OR51B5: variants seen among roughly 807,000 people sequenced by gnomAD.
The protein encoded by OR51B5 is olfactory receptor 51B5.
For synonymous variants in OR51B5, 186 were observed against 144.8 expected (o/e 1.28, Z -2.04); for missense variants, 456 against 374.6 (o/e 1.22, Z -1.79).
At chr11:5,356,407 A>G (rs1235542544) in intron 1 of OR51B5, among the ~76,000 whole-genome samples, 106 of 151,496 alleles carry the variant, frequency 7.0e-4, no homozygotes, top group Admixed American at 1.9e-3. Flanking sequence ...GAAATGAAGC[A>G]AGAAGAGAAG....
At chr11:5,427,779 T>C (rs1487159981) in intron 1 of OR51B5, among the ~76,000 whole-genome samples, 1 of 152,220 alleles carries the variant, frequency 6.6e-6, no homozygotes, top group Non-Finnish European at 1.5e-5. Flanking sequence ...TCTACCATTA[T>C]ATTTCATACG....
At chr11:5,425,247 G>A (rs1427463944) in intron 1 of OR51B5, among the ~76,000 whole-genome samples, 2 of 152,142 alleles carry the variant, frequency 1.3e-5, no homozygotes, top group African/African-American at 4.8e-5. Flanking sequence ...TTTTGTCAAT[G>A]TACAGGCTTG....
At chr11:5,371,196 A>G (rs890438571) in intron 1 of OR51B5, among the ~76,000 whole-genome samples, 1 of 152,202 alleles carries the variant, frequency 6.6e-6, no homozygotes, top group Admixed American at 6.5e-5. Context: ...AATATTCTAG[A>G]AAGTCCATAG....
intron 1 of OR51B5, among the ~76,000 whole-genome samples, chr11:5,384,174 T>C (rs1589966600): frequency 1.3e-5 from 2 of 152,186 alleles, no homozygotes; most frequent in African/African-American, 2.4e-5. Context: ...TGTTGTTGTT[T>C]CTTTGTTTGT....
chr11:5,463,469 T>C (rs1851089606), intron 1 of OR51B5, among the ~76,000 whole-genome samples: 1 of 152,232 alleles, frequency 6.6e-6, no homozygotes, highest in African/African-American at 2.4e-5. Flanking sequence ...GCCAGCCATG[T>C]TAATCAAGAT....
chr11:5,496,504 G>C (rs1423500252), intron 1 of OR51B5, among the ~76,000 whole-genome samples: 1 of 152,068 alleles, frequency 6.6e-6, no homozygotes, highest in African/African-American at 2.4e-5. Flanking sequence ...GTACTGCCTT[G>C]CATGGCTTTG....
At chr11:5,382,363 C>T (rs10837966) in intron 1 of OR51B5, among the ~76,000 whole-genome samples, 19,365 of 152,192 alleles carry the variant, frequency 0.13, 1,352 homozygotes, top group Non-Finnish European at 0.16. Context: ...TTGGGGCCTT[C>T]CCTGGCCCTC....
intron 1 of OR51B5, among the ~76,000 whole-genome samples, chr11:5,359,766 A>G (rs1476095156): frequency 1.3e-5 from 2 of 151,580 alleles, no homozygotes; most frequent in Non-Finnish European, 2.9e-5. Context: ...ACAGTAACCA[A>G]AACAGCATGG....
intron 1 of OR51B5, chr11:5,389,279 G>A (rs544769841): frequency 5.3e-6 from 5 of 936,424 alleles, no homozygotes; most frequent in Non-Finnish European, 8.2e-6. Flanking sequence ...CATAAGGGTG[G>A]AGTAGATAAT....
rs372133893 is a variant in OR51B5, at chr11:5,460,285, T to C, written n.84+45284A>G. The stretch of plus-strand genomic sequence containing the variant: ...GGAGAGGATCAAAAAGAATTAACTA[T>C]TGGGTACTAGGCATAGTACCTTGGT... On this transcript the variant is annotated intron_variant and non_coding_transcript_variant, in intron 1 of 4. Coordinates refer to the OR51B5 transcript ENST00000415970. Among the ~76,000 whole-genome samples, 13 of 152,298 alleles carry C rather than the reference T, an allele frequency of 8.5e-5. 2 individuals carry two copies. The South Asian group carries it at 1.0e-3, about 12-fold the overall frequency.
intron 1 of OR51B5, among the ~76,000 whole-genome samples, chr11:5,492,206 CACCA>C (rs961240869): frequency 4.6e-5 from 7 of 152,098 alleles, no homozygotes; most frequent in African/African-American, 1.7e-4. Context: ...CACCTCACCC[CACCA>C]AGTCTGTCTC....
intron 1 of OR51B5, among the ~76,000 whole-genome samples, chr11:5,417,160 A>G (rs199799922): frequency 3.9e-5 from 6 of 152,140 alleles, no homozygotes; most frequent in Non-Finnish European, 8.8e-5. Flanking sequence ...CAAACCTGAC[A>G]AAAACAAGCA....
At chr11:5,400,517 C>T (rs1388079613) in intron 1 of OR51B5, among the ~76,000 whole-genome samples, 1 of 151,836 alleles carries the variant, frequency 6.6e-6, no homozygotes, top group Non-Finnish European at 1.5e-5. Flanking sequence ...ATTCTTAGGT[C>T]TTAGCTGAAA....
intron 1 of OR51B5, chr11:5,489,179 T>C (rs750805072): frequency 6.2e-7 from 1 of 1,612,980 alleles, no homozygotes; most frequent in South Asian, 1.1e-5. Flanking sequence ...AGTGTGGCTA[T>C]TGTCTCCCCC....
Position 5,343,324 on chromosome 11 carries a change from T to TGTGGCAG in OR51B5, c.194_200dup (p.Asp68CysfsTer54). ...TTGTGGTCAGGGCCAGCCCCAGGTC[T>TGTGGCAG]GTGGCAGCCAGCATGGCCAGAAAGA... On this transcript the variant is annotated frameshift_variant, in exon 1 of 1. Transcript: ENST00000300773. LOFTEE classifies it low-confidence loss of function (END_TRUNC). The TGTGGCAG allele has an allele frequency of 6.9e-7, 1 of 1,456,066 alleles. No individual in the cohort carries two copies. The highest frequency in any genetic ancestry group is 1.1e-5 in the South Asian group (1 of 88,702). 90.2% of individuals were successfully genotyped at this position (1,456,066 alleles called of 1,614,324 possible).
exon 1 of OR51B5, chr11:5,343,300 T>A (rs1295539192): frequency 9.3e-6 from 15 of 1,611,812 alleles, no homozygotes; most frequent in Non-Finnish European, 1.3e-5. Context: ...CCGTGGGCAT[T>A]GTGGTCAGGG....
At chr11:5,354,506 C>A (rs946838443) in intron 1 of OR51B5, among the ~76,000 whole-genome samples, 1 of 152,142 alleles carries the variant, frequency 6.6e-6, no homozygotes, top group Non-Finnish European at 1.5e-5. Flanking sequence ...CTGGGACTTG[C>A]AGTTCTCTTT....
chr11:5,398,825 G>T (rs1379286663), intron 1 of OR51B5, among the ~76,000 whole-genome samples: 1 of 152,100 alleles, frequency 6.6e-6, no homozygotes, highest in African/African-American at 2.4e-5. Flanking sequence ...TGCCATAATT[G>T]TAAGTTTCCT....
chr11:5,465,979 G>A (rs1266868217), intron 1 of OR51B5, among the ~76,000 whole-genome samples: 1 of 151,406 alleles, frequency 6.6e-6, no homozygotes, highest in African/African-American at 2.4e-5. Flanking sequence ...AAACTAAAGA[G>A]CTTCTGCACA....
Sources: gnomAD v4.1 joint callset for allele counts (sites outside exome capture counted in the v4.1 genomes callset) on GRCh38, gnomAD v4.1.1 for gene constraint, MANE v1.5 for transcripts, NCBI Gene and HGNC (gene_info 2026-07-23, HGNC 2026-07-21) for gene names.